UBE2R2: variants seen among roughly 807,000 people sequenced by gnomAD.
The protein encoded by UBE2R2 is ubiquitin-conjugating enzyme E2 R2.
UBE2R2 carries 1 observed loss-of-function variant against 27.8 expected under a neutral mutation model. The ratio of observed to expected loss-of-function variants is 0.04; its 90% confidence interval spans 0.01 to 0.17. UBE2R2 has a LOEUF of 0.17. Among genes scored for constraint, UBE2R2 ranks in the 10% least tolerant of loss-of-function variants. The pLI, the probability that UBE2R2 is intolerant of heterozygous loss-of-function variation, is 1.00. For synonymous variants in UBE2R2, 106 were observed against 113.3 expected (o/e 0.94, Z 0.41); for missense variants, 100 against 291.0 (o/e 0.34, Z 4.78).
chr9:33,911,968 A>G lies in UBE2R2; in HGVS notation c.367A>G (p.Ile123Val). 1.2e-6 allele frequency: 2 copies of G among 1,612,948 alleles called. No homozygotes were observed. The highest frequency in any genetic ancestry group is 8.5e-7 in the Non-Finnish European group (1 of 1,179,676). ...ATCCTTTTTTCCTGTTTCTAGGACTATCCTATTAAGTGTAATCTCACTGCT... is the reference window on the plus strand; with the variant it reads ...ATCCTTTTTTCCTGTTTCTAGGACTGTCCTATTAAGTGTAATCTCACTGCT... Reference protein sequence around the residue: ...RWNPTQNVRTILLSVISLLNE... With the variant: ...RWNPTQNVRTVLLSVISLLNE... Residue 123 changes from isoleucine to valine, a missense_variant, in exon 4 of 5, where the codon ATC becomes GTC. Physicochemically the swap from Ile to Val is conservative, Grantham distance 29. Around this residue, in one of 3 missense-constraint regions of UBE2R2, gnomAD observed 2 missense variants for 39.1 expected, o/e 0.05. Transcript: ENST00000263228.
At chr9:33,843,042 CTTTT>C (rs71506139) in intron 1 of UBE2R2, among the ~76,000 whole-genome samples, 2 of 105,314 alleles carry the variant, frequency 1.9e-5, no homozygotes, top group South Asian at 3.5e-4. Context: ...AAACAGACCA[CTTTT>C]TTTTTTTTTT....
Position 33,919,927 on chromosome 9 carries a change from ATTCT to A in UBE2R2, c.*2694_*2697del, listed in dbSNP as rs1367689207. ...GGAGAAGTATATGATTCTGCTGTTGATTCTTTCAGTCTTCCCCCCTTCTCCTTTT... is the reference window on the plus strand; with the variant it reads ...GGAGAAGTATATGATTCTGCTGTTGATTCAGTCTTCCCCCCTTCTCCTTTT... On this transcript the variant is annotated 3_prime_UTR_variant, in exon 5 of 5. Transcript: ENST00000263228. The A allele has an allele frequency of 6.6e-6, 1 of 152,024 alleles. No individual in the cohort carries two copies. The highest frequency in any genetic ancestry group is 2.4e-5 in the African/African-American group (1 of 41,386). 9.4% of individuals were successfully genotyped at this position (152,024 alleles called of 1,614,324 possible). A position where few individuals can be genotyped will look rare whatever the true frequency, so the allele number is the denominator to read the frequency against.
At chr9:33,912,756 T>G (rs1489571419) in intron 4 of UBE2R2, among the ~76,000 whole-genome samples, 1 of 152,108 alleles carries the variant, frequency 6.6e-6, no homozygotes, top group Non-Finnish European at 1.5e-5. Flanking sequence ...TAGAATAAGA[T>G]TCAGGGGACT....
intron 1 of UBE2R2, among the ~76,000 whole-genome samples, chr9:33,847,588 C>A (rs12380143): frequency 6.6e-6 from 1 of 151,914 alleles, no homozygotes; most frequent in Non-Finnish European, 1.5e-5. Context: ...TTAGAAAATT[C>A]ATAGCCATTA....
intron 1 of UBE2R2, among the ~76,000 whole-genome samples, chr9:33,842,819 T>G (rs1428696587): frequency 6.6e-6 from 1 of 152,224 alleles, no homozygotes; most frequent in African/African-American, 2.4e-5. Context: ...TGTATATAAA[T>G]TTCCTTTTGT....
intron 2 of UBE2R2, among the ~76,000 whole-genome samples, chr9:33,894,584 C>T (rs746313631): frequency 3.9e-4 from 59 of 152,104 alleles, no homozygotes; most frequent in Non-Finnish European, 7.4e-4. Flanking sequence ...CAAGTGTGTG[C>T]CACTACACCT....
rs536395237 is a variant in UBE2R2 at position 33,856,094 on chromosome 9, G to A, written c.178-30787G>A. 2.6e-5 allele frequency among the ~76,000 whole-genome samples: 4 copies of A among 152,206 alleles called. No individual in the cohort carries two copies. In the South Asian group the frequency reaches 8.3e-4, roughly 32 times the overall value. ...CTTATACTAGCAGGGCTCTTACCCT[G>A]TCCTGGTTTTACCGTGTACACACTT... On this transcript the variant is annotated intron_variant, in intron 1 of 4. Coordinates refer to ENST00000263228, the MANE Select transcript of UBE2R2 (RefSeq NM_017811.4).
intron 3 of UBE2R2, among the ~76,000 whole-genome samples, chr9:33,910,568 G>C (rs1280545272): frequency 6.6e-6 from 1 of 152,158 alleles, no homozygotes; most frequent in African/African-American, 2.4e-5. Flanking sequence ...GGAGACCAGG[G>C]ATGGCATCTA....
intron 1 of UBE2R2, among the ~76,000 whole-genome samples, chr9:33,855,347 C>T (rs184161377): frequency 1.6e-4 from 25 of 152,212 alleles, no homozygotes; most frequent in Admixed American, 1.3e-3. Context: ...TTAAAATAAG[C>T]ATGATAATAT....
At chr9:33,885,504 A>AG (rs1821835761) in intron 1 of UBE2R2, among the ~76,000 whole-genome samples, 3 of 152,224 alleles carry the variant, frequency 2.0e-5, no homozygotes, top group Admixed American at 2.0e-4. Context: ...GGAGTTTTCT[A>AG]GGGAACCATT....
chr9:33,840,139 C>T (rs547332135), intron 1 of UBE2R2, among the ~76,000 whole-genome samples: 22 of 152,290 alleles, frequency 1.4e-4, no homozygotes, highest in African/African-American at 5.3e-4. Context: ...CTTTCACAAA[C>T]ATACAGATAG....
chr9:33,851,932 A>C (rs1171038733), intron 1 of UBE2R2, among the ~76,000 whole-genome samples: 1 of 152,198 alleles, frequency 6.6e-6, no homozygotes, highest in Non-Finnish European at 1.5e-5. Context: ...AATATTATCT[A>C]CATCGAGAAA....
intron 1 of UBE2R2, among the ~76,000 whole-genome samples, chr9:33,870,862 C>CT (rs1313357123): frequency 1.3e-5 from 2 of 152,152 alleles, no homozygotes; most frequent in Non-Finnish European, 2.9e-5. Flanking sequence ...ATATAGAAAA[C>CT]TGAGAGTTGT....
intron 2 of UBE2R2, among the ~76,000 whole-genome samples, chr9:33,897,981 G>T (rs768020908): frequency 6.6e-6 from 1 of 151,264 alleles, no homozygotes; most frequent in Non-Finnish European, 1.5e-5. Flanking sequence ...CTCCATGTTA[G>T]TCAGGCTGGT....
intron 1 of UBE2R2, among the ~76,000 whole-genome samples, chr9:33,872,260 G>T (rs189935299): frequency 6.6e-6 from 1 of 151,908 alleles, no homozygotes; most frequent in African/African-American, 2.4e-5. Context: ...AGGCGTGGTG[G>T]TGTATACCTG....
intron 1 of UBE2R2, among the ~76,000 whole-genome samples, chr9:33,886,385 G>A (rs544661027): frequency 2.2e-4 from 34 of 152,230 alleles, no homozygotes; most frequent in Admixed American, 1.4e-3. Context: ...GGCAGGGCAC[G>A]GTGGCTCACG....
At position 33,838,545 on chromosome 9, in the gene UBE2R2, A is replaced by C. The variant is rs1053319723; in HGVS notation, c.177+20611A>C. ...AATTGAGGTGTATGTACATACAATA[A>C]AATGTGTATATCTTGGCTGGGCATG... On this transcript the variant is annotated intron_variant, in intron 1 of 4. Transcript: ENST00000263228. Among the ~76,000 whole-genome samples the C allele has an allele frequency of 2.0e-5, 3 of 152,200 alleles. No homozygotes were observed. In the South Asian group the frequency reaches 6.2e-4, roughly 32 times the overall value.
At chr9:33,887,854 T>G (rs1299694405) in intron 2 of UBE2R2, among the ~76,000 whole-genome samples, 2 of 152,186 alleles carry the variant, frequency 1.3e-5, no homozygotes, top group East Asian at 3.9e-4. Flanking sequence ...TTTTTGTATT[T>G]TTAGTAGAGA....
intron 1 of UBE2R2, among the ~76,000 whole-genome samples, chr9:33,877,645 A>G (rs1821633709): frequency 6.6e-6 from 1 of 152,206 alleles, no homozygotes; most frequent in Non-Finnish European, 1.5e-5. Flanking sequence ...TAAGAAAACT[A>G]ATTCCATAAT....
Sources: allele counts gnomAD v4.1 joint callset (sites outside exome capture counted in the v4.1 genomes callset), GRCh38; gene constraint gnomAD v4.1.1; regional missense constraint gnomAD v4.1.1; transcripts MANE v1.5; gene names NCBI Gene and HGNC (gene_info 2026-07-23, HGNC 2026-07-21).